Variants in HIPK2 observed in about 807,000 individuals in gnomAD.
HIPK2 encodes the protein homeodomain-interacting protein kinase 2.
In HIPK2, 27 loss-of-function variants were observed where a neutral mutation model predicts 113.7. The ratio of observed to expected loss-of-function variants is 0.24; its 90% CI spans 0.17 to 0.33. The LOEUF (loss-of-function observed/expected upper bound fraction) is 0.33, where lower values mean the gene tolerates loss of function less well. Ranked by LOEUF, HIPK2 falls within the 10% of genes least tolerant of loss-of-function variation. The pLI, the probability that HIPK2 is intolerant of heterozygous loss-of-function variation, is 1.00. For synonymous variants in HIPK2, 631 were observed against 642.2 expected (o/e 0.98, Z 0.26); for missense variants, 1,257 against 1,588.0 (o/e 0.79, Z 3.54).
At chr7:139,709,399 T>C (rs1264967464) in intron 2 of HIPK2, among the ~76,000 whole-genome samples, 2 of 152,232 alleles carry the variant, frequency 1.3e-5, no homozygotes, top group Non-Finnish European at 2.9e-5. Context: ...GCACAAGCTA[T>C]GCAATTTTTG....
At chr7:139,688,907 G>A (rs1308760802) in intron 2 of HIPK2, among the ~76,000 whole-genome samples, 3 of 152,052 alleles carry the variant, frequency 2.0e-5, no homozygotes, top group Non-Finnish European at 2.9e-5. Flanking sequence ...TAAGACTTCT[G>A]GGTACATTCA....
chr7:139,698,496 T>C (rs1794623339), intron 2 of HIPK2, among the ~76,000 whole-genome samples: 1 of 152,248 alleles, frequency 6.6e-6, no homozygotes, highest in African/African-American at 2.4e-5. Context: ...GCAGCAATCA[T>C]ATGGCAATTC....
intron 12 of HIPK2, among the ~76,000 whole-genome samples, chr7:139,593,328 G>A (rs138342857): frequency 5.1e-4 from 77 of 152,280 alleles, no homozygotes; most frequent in African/African-American, 1.7e-3. Context: ...GAGCTAGTGC[G>A]GGTGGAACAC....
intron 14 of HIPK2, among the ~76,000 whole-genome samples, chr7:139,574,268 G>A (rs947408788): frequency 1.2e-4 from 19 of 152,096 alleles, no homozygotes; most frequent in Non-Finnish European, 2.2e-4. Flanking sequence ...TCAGCTACTC[G>A]GGAGGCTAAG....
intron 1 of HIPK2, among the ~76,000 whole-genome samples, chr7:139,757,507 G>A (rs1327249184): frequency 2.0e-5 from 3 of 152,128 alleles, no homozygotes; most frequent in Non-Finnish European, 4.4e-5. Flanking sequence ...CAGCAAATCT[G>A]AGCCACAGTG....
intron 2 of HIPK2, among the ~76,000 whole-genome samples, chr7:139,646,860 G>A (rs954105254): frequency 4.6e-5 from 7 of 151,878 alleles, no homozygotes; most frequent in Non-Finnish European, 8.8e-5. Context: ...AGTGAGGGGC[G>A]GTGAGGCAGC....
At chr7:139,690,112 G>C (rs1414950656) in intron 2 of HIPK2, among the ~76,000 whole-genome samples, 1 of 152,090 alleles carries the variant, frequency 6.6e-6, no homozygotes, top group Admixed American at 6.5e-5. Context: ...AGGTTTAAAG[G>C]GATGCCAGGG....
intron 2 of HIPK2, among the ~76,000 whole-genome samples, chr7:139,665,598 CCAT>C (rs1802022015): frequency 6.6e-6 from 1 of 151,918 alleles, no homozygotes; most frequent in Non-Finnish European, 1.5e-5. Flanking sequence ...ATCCATCCAT[CCAT>C]CCATCCACCC....
At chr7:139,595,025 T>C (rs570304419) in intron 12 of HIPK2, among the ~76,000 whole-genome samples, 68 of 152,312 alleles carry the variant, frequency 4.5e-4, no homozygotes, top group African/African-American at 1.5e-3. Flanking sequence ...CTCTGACTGG[T>C]GGAGAGACGG....
At chr7:139,749,112 C>G (rs1796238484) in intron 1 of HIPK2, among the ~76,000 whole-genome samples, 3 of 152,248 alleles carry the variant, frequency 2.0e-5, no homozygotes, top group African/African-American at 7.2e-5. Context: ...CCAAGTTCAT[C>G]AAACCGCCTT....
intron 1 of HIPK2, among the ~76,000 whole-genome samples, chr7:139,732,823 G>A (rs904340931): frequency 6.1e-5 from 9 of 147,444 alleles, no homozygotes; most frequent in African/African-American, 1.3e-4. Flanking sequence ...ATATATATGT[G>A]TGTGTGTGTG....
intron 1 of HIPK2, among the ~76,000 whole-genome samples, chr7:139,740,307 A>G (rs1423896793): frequency 1.3e-5 from 2 of 152,238 alleles, no homozygotes; most frequent in African/African-American, 4.8e-5. Context: ...GCTCAGTGCC[A>G]GCAGCATGCT....
intron 1 of HIPK2, among the ~76,000 whole-genome samples, chr7:139,754,940 A>G (rs1796340538): frequency 6.6e-6 from 1 of 152,148 alleles, no homozygotes; most frequent in African/African-American, 2.4e-5. Flanking sequence ...CATACGGATG[A>G]TACCACCACG....
At chr7:139,698,762 A>G (rs1794629323) in intron 2 of HIPK2, among the ~76,000 whole-genome samples, 1 of 152,174 alleles carries the variant, frequency 6.6e-6, no homozygotes, top group Non-Finnish European at 1.5e-5. Context: ...ACCATCAAGT[A>G]CAGGGAATAT....
At chr7:139,706,106 G>A (rs1415238475) in intron 2 of HIPK2, among the ~76,000 whole-genome samples, 1 of 152,198 alleles carries the variant, frequency 6.6e-6, no homozygotes, top group Non-Finnish European at 1.5e-5. Context: ...CCTTCTTTAT[G>A]CTGGGGAAGT....
chr7:139,660,031 C>G (rs1047370451), intron 2 of HIPK2, among the ~76,000 whole-genome samples: 4 of 152,154 alleles, frequency 2.6e-5, no homozygotes, highest in African/African-American at 9.7e-5. Flanking sequence ...CACCTTTGGG[C>G]GGGTTGTTTT....
At chr7:139,770,034 T>TC (rs1276366184) in intron 1 of HIPK2, among the ~76,000 whole-genome samples, 5 of 152,170 alleles carry the variant, frequency 3.3e-5, no homozygotes, top group African/African-American at 1.2e-4. Flanking sequence ...TGTCACGAGT[T>TC]CCCCTGACAC....
At chr7:139,576,338 G>A (rs192064107) in intron 13 of HIPK2, among the ~76,000 whole-genome samples, 1 of 152,224 alleles carries the variant, frequency 6.6e-6, no homozygotes, top group Admixed American at 6.5e-5. Context: ...GTTCTCAAAT[G>A]TAATTCCTGC....
intron 1 of HIPK2, among the ~76,000 whole-genome samples, chr7:139,763,483 C>G (rs1480401964): frequency 7.4e-6 from 1 of 134,784 alleles, no homozygotes; most frequent in South Asian, 2.3e-4. Context: ...CCCCCCCCCC[C>G]ACACGCCCCT....
Sources: allele counts gnomAD v4.1 joint callset (sites outside exome capture counted in the v4.1 genomes callset), GRCh38; gene constraint gnomAD v4.1.1; transcripts MANE v1.5; gene names NCBI Gene and HGNC (gene_info 2026-07-23, HGNC 2026-07-21).